The following SPATA7 variants were observed in gnomAD, a reference collection of about 807,000 sequenced individuals.
SPATA7 encodes the protein spermatogenesis associated 7, also known as spermatogenesis-associated protein 7.
Under a neutral mutation model 51.8 loss-of-function variants are expected in SPATA7, and 43 were observed. The observed-to-expected ratio is 0.83, with a 90% CI of 0.65 to 1.07. The LOEUF (loss-of-function observed/expected upper bound fraction) is 1.07. Among genes scored for constraint, SPATA7 ranks in the 50% least tolerant of loss-of-function variants. The pLI, the probability that SPATA7 is intolerant of heterozygous loss-of-function variation, is 0.00. For synonymous variants in SPATA7, 230 were observed against 252.8 expected (o/e 0.91, Z 0.86); for missense variants, 683 against 701.3 (o/e 0.97, Z 0.30).
rs995864320 is a variant in SPATA7, at chr14:88,469,686, G to A, written c.255-161G>A. ...TTCCATAGGTGACAGTGTTGTGCCT[G>A]GAACCAAGTCGTGGCCAGTACCTAA... On this transcript the variant is annotated intron_variant, in intron 4 of 4. Coordinates refer to the SPATA7 transcript ENST00000556406. This position sits in a 1 kb window ranked among gnomAD's most constrained non-coding sequence, Gnocchi z 4.3. 1 of 1,614,162 alleles carries A rather than the reference G, an allele frequency of 6.2e-7. No homozygotes were observed. The highest frequency in any genetic ancestry group is 8.5e-7 in the Non-Finnish European group (1 of 1,180,026).
chr14:88,433,341 G>A, intron 10 of SPATA7, 129 bp downstream of exon 10: 4 of 665,092 alleles, frequency 6.0e-6, no homozygotes, highest in South Asian at 3.9e-5. Context: ...TTGCTTTCTT[G>A]GAAACTTATT....
intron 3 of SPATA7, among the ~76,000 whole-genome samples, chr14:88,394,119 A>G (rs1406365578): frequency 6.6e-6 from 1 of 152,222 alleles, no homozygotes; most frequent in African/African-American, 2.4e-5. Context: ...TTATCCATAG[A>G]CAAACAATCA....
exon 4 of SPATA7, chr14:88,455,131 G>C (rs946493297): frequency 1.3e-5 from 6 of 455,692 alleles, no homozygotes; most frequent in African/African-American, 1.2e-4. Flanking sequence ...ACAACAAATA[G>C]CATATGTTCT....
intron 4 of SPATA7, among the ~76,000 whole-genome samples, chr14:88,464,656 G>A (rs1286029223): frequency 6.6e-6 from 1 of 152,142 alleles, no homozygotes; most frequent in African/African-American, 2.4e-5. Flanking sequence ...CTTGAACCCA[G>A]AAGGTGGAGG....
chr14:88,444,914 AG>A (rs1595309689), intron 3 of SPATA7, among the ~76,000 whole-genome samples: 1 of 152,190 alleles, frequency 6.6e-6, no homozygotes, highest in African/African-American at 2.4e-5. Context: ...GAAGTCAGGT[AG>A]TGTGATGCCT....
Position 88,438,382 on chromosome 14 carries a change from T to A in SPATA7, c.1760T>A (p.Ile587Asn). ...NHDMELSTLK[I>N]MEMSIEDCPL... ...GACATGGAGTTATCAACTCTTAAAATCATGGAAATGAGCATTGAGGACTGC... is the reference window on the plus strand; with the variant it reads ...GACATGGAGTTATCAACTCTTAAAAACATGGAAATGAGCATTGAGGACTGC... The change falls in exon 12 of 12, where the codon ATC becomes AAC. Residue 587 changes from isoleucine to asparagine, a missense_variant. Physicochemically the swap from Ile to Asn is moderately radical, Grantham distance 149. Transcript: ENST00000393545. 6.2e-7 allele frequency: 1 copy of A among 1,614,050 alleles called. No homozygotes were observed.
intron 4 of SPATA7, chr14:88,414,768 GT>G: frequency 6.8e-6 from 2 of 294,162 alleles, no homozygotes; most frequent in South Asian, 2.9e-5. Flanking sequence ...ATTTCAAAGA[GT>G]TTTTTTGTTT....
intron 4 of SPATA7, among the ~76,000 whole-genome samples, chr14:88,464,977 A>G (rs1165501825): frequency 6.6e-6 from 1 of 152,016 alleles, no homozygotes; most frequent in Non-Finnish European, 1.5e-5. Context: ...GTCCCACAAC[A>G]CCACACTCTC....
downstream of SPATA7, among the ~76,000 whole-genome samples, chr14:88,439,737 A>G (rs1311816582): frequency 6.6e-6 from 1 of 152,212 alleles, no homozygotes; most frequent in Middle Eastern, 3.4e-3. Context: ...CATCTCATTC[A>G]TGGGATGCTG....
intron 4 of SPATA7, among the ~76,000 whole-genome samples, chr14:88,409,700 C>A (rs1348253003): frequency 6.6e-6 from 1 of 152,186 alleles, no homozygotes; most frequent in Non-Finnish European, 1.5e-5. Flanking sequence ...GATTTTAGAT[C>A]TTTCCCACTT....
At chr14:88,470,163 AAAG>A (rs1248319998) in exon 5 of SPATA7, 1 of 967,576 alleles carries the variant, frequency 1.0e-6, no homozygotes, top group African/African-American at 1.7e-5. Flanking sequence ...AAAAAGTAAA[AAAG>A]TAGTAAACTG....
intron 8 of SPATA7, among the ~76,000 whole-genome samples, 180 bp from the exon 9 acceptor site, chr14:88,430,992 T>C (rs1030085154): frequency 6.6e-6 from 1 of 152,176 alleles, no homozygotes; most frequent in African/African-American, 2.4e-5. Context: ...GATTTTTGGA[T>C]TGAGATGCTC....
In SPATA7 at chr14:88,454,947, T is replaced by C. The variant is rs571542921; in HGVS notation, c.178-113T>C. 2.1e-5 allele frequency: 8 copies of C among 387,496 alleles called. No individual in the cohort carries two copies. In the East Asian group the frequency reaches 5.7e-4, roughly 28 times the overall value. The allele number at this position is 387,496 out of a possible 1,614,324, so 24.0% of individuals were successfully genotyped here. On this transcript the variant is annotated intron_variant, in intron 3 of 3. Coordinates refer to the SPATA7 transcript ENST00000554802. ...TAAAGCAGTGGTTCTCAAACTTTAA[T>C]GTGTATCAAAATCACCTGGAAAACT...
At chr14:88,398,984 G>A (rs374585422) in intron 4 of SPATA7, among the ~76,000 whole-genome samples, 34 of 151,308 alleles carry the variant, frequency 2.2e-4, no homozygotes, top group Non-Finnish European at 2.9e-4. Context: ...CCCAGGAGGC[G>A]GAGCTTGCAG....
chr14:88,430,821 T>C (rs1429947803), intron 8 of SPATA7, among the ~76,000 whole-genome samples: 6 of 152,160 alleles, frequency 3.9e-5, no homozygotes, highest in Non-Finnish European at 7.3e-5. Flanking sequence ...CTGGGTTGTT[T>C]AGAAGATTAA....
At chr14:88,444,480 T>G (rs1314965242) in intron 3 of SPATA7, among the ~76,000 whole-genome samples, 1 of 151,336 alleles carries the variant, frequency 6.6e-6, no homozygotes, top group Non-Finnish European at 1.5e-5. Context: ...CAGAAGCTCT[T>G]TAGTTTAATT....
intron 4 of SPATA7, among the ~76,000 whole-genome samples, chr14:88,407,019 A>G (rs1211870638): frequency 6.6e-6 from 1 of 152,054 alleles, no homozygotes; most frequent in Non-Finnish European, 1.5e-5. Context: ...ATACCCATTG[A>G]TGGGCATTTG....
intron 4 of SPATA7, chr14:88,416,086 C>T (rs368587999): frequency 1.3e-5 from 2 of 152,352 alleles, no homozygotes; most frequent in East Asian, 1.9e-4. Context: ...GAAGCAGATG[C>T]TGGCATTGTG....
chr14:88,440,227 A>C (rs1207144496), downstream of SPATA7, among the ~76,000 whole-genome samples: 2 of 152,052 alleles, frequency 1.3e-5, no homozygotes, highest in African/African-American at 4.8e-5. Context: ...CTCAGAAACT[A>C]TCTCCTGGCT....
Sources: gnomAD v4.1 joint callset for allele counts (sites outside exome capture counted in the v4.1 genomes callset) on GRCh38, gnomAD v4.1.1 for gene constraint, Gnocchi (gnomAD v3.1) non-coding constraint, MANE v1.5 for transcripts, NCBI Gene and HGNC (gene_info 2026-07-23, HGNC 2026-07-21) for gene names.